The following BAIAP2L1 variants were observed in gnomAD, a reference collection of about 807,000 sequenced individuals.
BAIAP2L1 encodes BAR/IMD domain containing adaptor protein 2 like 1.
Under a neutral mutation model 66.3 loss-of-function variants are expected in BAIAP2L1, and 35 were observed. The ratio of observed to expected loss-of-function variants is 0.53; its 90% CI spans 0.40 to 0.70. BAIAP2L1 has a LOEUF of 0.70. Ranked by LOEUF, BAIAP2L1 falls within the 30% of genes least tolerant of loss-of-function variation. BAIAP2L1 has a pLI of 0.00. For missense variants in BAIAP2L1, 622 were observed against 656.9 expected, an observed-to-expected ratio of 0.95 and a Z score of 0.58; for synonymous variants, 269 against 248.7, an observed-to-expected ratio of 1.08 and a Z score of -0.77.
chr7:98,296,685 C>T (rs973292536), intron 12 of BAIAP2L1, among the ~76,000 whole-genome samples: 1 of 152,188 alleles, frequency 6.6e-6, no homozygotes, highest in Non-Finnish European at 1.5e-5. Context: ...ACATATTGGA[C>T]GTGTTCAGGC....
intron 3 of BAIAP2L1, among the ~76,000 whole-genome samples, chr7:98,332,086 A>T (rs1801506741): frequency 6.6e-6 from 1 of 152,042 alleles, no homozygotes; most frequent in African/African-American, 2.4e-5. Flanking sequence ...GGATCTACAT[A>T]AAGAAAGGAA....
chr7:98,306,360 A>G (rs1000079497), intron 11 of BAIAP2L1, 79 bp downstream of exon 11: 8 of 1,543,558 alleles, frequency 5.2e-6, no homozygotes, highest in East Asian at 4.5e-5. Context: ...CCTGCGACAC[A>G]GCTAGATGGT....
At chr7:98,324,047 C>T (rs1011734840) in intron 3 of BAIAP2L1, among the ~76,000 whole-genome samples, 5 of 152,026 alleles carry the variant, frequency 3.3e-5, no homozygotes, top group East Asian at 1.9e-4. Context: ...GAGGGTGGGG[C>T]GAAGCAGGCA....
In BAIAP2L1 at chr7:98,299,965, C is replaced by G. The variant is rs367672127; in HGVS notation, c.1422+4231G>C. 9.2e-4 allele frequency among the ~76,000 whole-genome samples: 140 copies of G among 152,260 alleles called. 3 individuals are homozygous for G. In the South Asian group the frequency reaches 0.025, roughly 28 times the overall value. On this transcript the variant is annotated intron_variant, in intron 12 of 13. Coordinates refer to ENST00000005260, the MANE Select transcript of BAIAP2L1 (RefSeq NM_018842.5). Reference sequence around the variant, plus strand: ...CTGAGGCGGGAGAATTGCTTGAGCCCGGGAAGTGGAGGTTGCTGTGAACCA... The same window carrying G: ...CTGAGGCGGGAGAATTGCTTGAGCCGGGGAAGTGGAGGTTGCTGTGAACCA...
intron 3 of BAIAP2L1, among the ~76,000 whole-genome samples, chr7:98,343,082 A>G (rs1281383585): frequency 2.0e-5 from 3 of 151,848 alleles, no homozygotes; most frequent in Non-Finnish European, 4.4e-5. Context: ...ATTTGACCCC[A>G]TGACCTATTA....
At chr7:98,306,566 G>T in intron 10 of BAIAP2L1, 50 bp from the exon 11 acceptor site, 1 of 1,613,498 alleles carries the variant, frequency 6.2e-7, no homozygotes, top group Non-Finnish European at 8.5e-7. Context: ...ACATGTGGAC[G>T]GCAACCTCCC....
chr7:98,333,667 T>G (rs990641302), intron 3 of BAIAP2L1, among the ~76,000 whole-genome samples: 6 of 152,152 alleles, frequency 3.9e-5, no homozygotes, highest in Non-Finnish European at 5.9e-5. Context: ...GAAAAACTAC[T>G]GCAATTTCTT....
chr7:98,315,525 G>T lies in BAIAP2L1; in HGVS notation c.574C>A (p.Arg192Ser). 1 of 1,521,646 alleles carries T rather than the reference G, an allele frequency of 6.6e-7. No individual in the cohort carries two copies. Among genetic ancestry groups the T allele is most frequent in the Non-Finnish European group, 8.9e-7 (1 of 1,127,602 alleles). The allele number at this position is 1,521,646 out of a possible 1,614,324, so 94.3% of individuals were successfully genotyped here. A position where few individuals can be genotyped will look rare whatever the true frequency, so the allele number is the denominator to read the frequency against. The change falls in exon 7 of 14, where the codon CGC (arginine) becomes AGC (serine). Residue 192 changes from arginine to serine, a missense_variant. Coordinates refer to ENST00000005260, the MANE Select transcript of BAIAP2L1 (RefSeq NM_018842.5). ...CKEALLEEKRRFCFLVDKHCG... is the reference protein window; with the variant it reads ...CKEALLEEKRSFCFLVDKHCG... ...TGCTTATCAACCAGAAAGCAGAAGC[G>T]CCTCTTCTCTTCAAGCAGAGCCTCT...
At chr7:98,388,140 G>T (rs187043138) in intron 1 of BAIAP2L1, among the ~76,000 whole-genome samples, 1 of 152,076 alleles carries the variant, frequency 6.6e-6, no homozygotes, top group Non-Finnish European at 1.5e-5. Flanking sequence ...GAATACCTAC[G>T]ATGCGCCAGA....
At chr7:98,386,206 T>C in intron 1 of BAIAP2L1, 2 of 1,522,844 alleles carry the variant, frequency 1.3e-6, no homozygotes, top group Non-Finnish European at 1.8e-6. Flanking sequence ...ATCGGTAGTC[T>C]TGACATCAAC....
At chr7:98,377,156 TATAG>T (rs1316239697) in intron 1 of BAIAP2L1, among the ~76,000 whole-genome samples, 27 of 152,302 alleles carry the variant, frequency 1.8e-4, no homozygotes, top group Admixed American at 3.9e-4. Flanking sequence ...TTCACTTATA[TATAG>T]ATATACATAT....
At position 98,389,046 on chromosome 7, in the gene BAIAP2L1, C is replaced by G. The variant is rs140861896; in HGVS notation, c.51+11756G>C. ...CTGGCCCCTAAGTATGAGGAATTAT[C>G]ATTGTGACTTTCCTGATTTGTCACC... On this transcript the variant is annotated intron_variant, in intron 1 of 13. Coordinates refer to ENST00000005260, the MANE Select transcript of BAIAP2L1 (RefSeq NM_018842.5). Among the ~76,000 whole-genome samples the G allele has an allele frequency of 6.7e-4, 102 of 151,844 alleles. 1 individual carries two copies. In the East Asian group the frequency reaches 0.019, roughly 28 times the overall value.
intron 3 of BAIAP2L1, among the ~76,000 whole-genome samples, chr7:98,331,328 T>C (rs1801489589): frequency 6.6e-6 from 1 of 151,992 alleles, no homozygotes; most frequent in Non-Finnish European, 1.5e-5. Flanking sequence ...GATGTAATAA[T>C]ATGAGAATCT....
chr7:98,306,378 T>C (rs1266736078), intron 11 of BAIAP2L1, 61 bp downstream of exon 11: 2 of 1,588,028 alleles, frequency 1.3e-6, no homozygotes, highest in South Asian at 1.1e-5. Flanking sequence ...GGTGGTGTGT[T>C]ACAGAAACGA....
chr7:98,368,995 G>T (rs1214009715), intron 1 of BAIAP2L1, among the ~76,000 whole-genome samples: 1 of 151,270 alleles, frequency 6.6e-6, no homozygotes, highest in Non-Finnish European at 1.5e-5. Context: ...GGGTTCAATG[G>T]CTGCGTCACA....
Position 98,293,369 on chromosome 7 carries a change from G to T in BAIAP2L1, c.*152C>A, listed in dbSNP as rs1800048610. 4 of 696,646 alleles carry T rather than the reference G, an allele frequency of 5.7e-6. No individual in the cohort carries two copies. Among genetic ancestry groups the T allele is most frequent in the Non-Finnish European group, 9.8e-6 (4 of 406,734 alleles). 43.2% of individuals were successfully genotyped at this position (696,646 alleles called of 1,614,324 possible). On this transcript the variant is annotated 3_prime_UTR_variant, in exon 14 of 14. Transcript: ENST00000005260. ...CAGAAACTTGTCAACCCAACTACGT[G>T]AAACAGAGAAGCATGATTTGCTTAA...
chr7:98,304,500 T>A (rs900024190), intron 11 of BAIAP2L1, 124 bp from the exon 12 acceptor site: 2 of 952,122 alleles, frequency 2.1e-6, no homozygotes, highest in Admixed American at 5.0e-5. Context: ...CTGATCTTGA[T>A]CTCACACACA....
In BAIAP2L1 at chr7:98,315,620, A is replaced by C; in HGVS notation, c.487-8T>G. 1 of 1,085,150 alleles carries C rather than the reference A, an allele frequency of 9.2e-7. No homozygotes were observed. The highest frequency in any genetic ancestry group is 1.2e-6 in the Non-Finnish European group (1 of 842,326). 67.2% of individuals were successfully genotyped at this position (1,085,150 alleles called of 1,614,324 possible). ...AGTAACGGTCTCCACATACTAAAAA[A>C]AAAAAAATAATAATAATAATAATTA... On this transcript the variant is annotated splice_region_variant and splice_polypyrimidine_tract_variant and intron_variant, in intron 6 of 13. Coordinates refer to ENST00000005260, the MANE Select transcript of BAIAP2L1 (RefSeq NM_018842.5).
intron 3 of BAIAP2L1, among the ~76,000 whole-genome samples, chr7:98,323,871 C>T (rs928180777): frequency 3.3e-5 from 5 of 152,166 alleles, no homozygotes; most frequent in Non-Finnish European, 7.3e-5. Flanking sequence ...TATCTTGAAG[C>T]GGAAGATGAA....
Sources: allele counts gnomAD v4.1 joint callset (sites outside exome capture counted in the v4.1 genomes callset), GRCh38; gene constraint gnomAD v4.1.1; transcripts MANE v1.5; gene names NCBI Gene and HGNC (gene_info 2026-07-23, HGNC 2026-07-21).